Variants in AKT3 observed in about 807,000 individuals in gnomAD.
The protein encoded by AKT3 is AKT serine/threonine kinase 3, also known as RAC-gamma serine/threonine-protein kinase.
A neutral mutation model predicts 65.3 loss-of-function variants in AKT3; 15 were observed. That is an observed-to-expected ratio of 0.23 (90% confidence interval 0.15 to 0.35). The LOEUF is 0.35. AKT3 is among the 10% of genes least tolerant of loss of function. The probability of loss-of-function intolerance (pLI) is 1.00; values close to 1 mark genes in which losing one functional copy is unlikely to be tolerated. For synonymous variants in AKT3, 206 were observed against 183.8 expected (o/e 1.12, Z -0.98); for missense variants, 243 against 576.5 (o/e 0.42, Z 5.92).
chr1:243,609,597 G>A (rs1677711138), intron 8 of AKT3, among the ~76,000 whole-genome samples: 1 of 152,308 alleles, frequency 6.6e-6, no homozygotes, highest in Admixed American at 6.5e-5. Flanking sequence ...GGCAGAAGTT[G>A]CAGTGAGCCG....
At chr1:243,512,725 C>T (rs1670096522) in intron 12 of AKT3, among the ~76,000 whole-genome samples, 1 of 152,138 alleles carries the variant, frequency 6.6e-6, no homozygotes, top group African/African-American at 2.4e-5. Context: ...CAATAACAAA[C>T]ATACATGCAA....
chr1:243,763,340 C>T lies in AKT3; in HGVS notation c.47-67624G>A, dbSNP rs147796037. ...AGAGAATCCTGCTGTCTTTAAAATCCTATCATAACTATGTAATAATACAAA... is the reference window on the plus strand; with the variant it reads ...AGAGAATCCTGCTGTCTTTAAAATCTTATCATAACTATGTAATAATACAAA... On this transcript the variant is annotated intron_variant, in intron 2 of 13. Coordinates refer to ENST00000673466, the MANE Select transcript of AKT3 (RefSeq NM_005465.7). Among the ~76,000 whole-genome samples, 99 of 152,108 alleles carry T rather than the reference C, an allele frequency of 6.5e-4. 1 individual carries two copies. Among genetic ancestry groups the T allele is most frequent in the Non-Finnish European group, 1.1e-3 (72 of 67,924 alleles).
chr1:243,590,261 G>C (rs1277308316), intron 8 of AKT3, among the ~76,000 whole-genome samples: 1 of 152,110 alleles, frequency 6.6e-6, no homozygotes, highest in Non-Finnish European at 1.5e-5. Flanking sequence ...CACAGACAAA[G>C]GTAACTGATA....
chr1:243,603,893 TC>T (rs1677198045), intron 8 of AKT3, among the ~76,000 whole-genome samples: 1 of 140,410 alleles, frequency 7.1e-6, no homozygotes, highest in South Asian at 2.3e-4. Flanking sequence ...CAATTAATAA[TC>T]TTTTTTTTTT....
At chr1:243,549,732 C>T (rs1672914172) in intron 11 of AKT3, among the ~76,000 whole-genome samples, 1 of 152,010 alleles carries the variant, frequency 6.6e-6, no homozygotes, top group Non-Finnish European at 1.5e-5. Flanking sequence ...GCCCCATAAA[C>T]ACTTTTAACT....
intron 2 of AKT3, among the ~76,000 whole-genome samples, chr1:243,782,489 G>C (rs1041645038): frequency 2.6e-5 from 4 of 152,036 alleles, no homozygotes; most frequent in African/African-American, 9.7e-5. Flanking sequence ...GTACCTTCTT[G>C]CCCCCATTTA....
chr1:243,835,372 G>C (rs535640589), intron 2 of AKT3, among the ~76,000 whole-genome samples: 2 of 152,076 alleles, frequency 1.3e-5, no homozygotes, highest in East Asian at 3.9e-4. Context: ...ACTACCTATA[G>C]GGTACTATGT....
intron 2 of AKT3, among the ~76,000 whole-genome samples, chr1:243,830,379 G>C (rs949872694): frequency 6.6e-6 from 1 of 152,120 alleles, no homozygotes; most frequent in East Asian, 1.9e-4. Context: ...GATACTGGGG[G>C]ACAACTGTAC....
intron 2 of AKT3, among the ~76,000 whole-genome samples, chr1:243,755,744 C>T (rs1689096965): frequency 6.6e-6 from 1 of 152,226 alleles, no homozygotes. Flanking sequence ...GACTCATCCA[C>T]ATCATCCAAA....
chr1:243,690,769 G>A (rs927635913), intron 3 of AKT3, among the ~76,000 whole-genome samples: 3 of 151,994 alleles, frequency 2.0e-5, no homozygotes, highest in African/African-American at 4.8e-5. Context: ...TGTGATAGTC[G>A]AGACACTTGA....
At chr1:243,813,355 CA>C (rs1178822689) in intron 2 of AKT3, among the ~76,000 whole-genome samples, 2 of 151,752 alleles carry the variant, frequency 1.3e-5, no homozygotes, top group East Asian at 1.9e-4. Context: ...ATAAAACCCT[CA>C]AAAAAATTAG....
At chr1:243,733,308 A>C (rs1687664301) in intron 2 of AKT3, among the ~76,000 whole-genome samples, 1 of 152,232 alleles carries the variant, frequency 6.6e-6, no homozygotes, top group South Asian at 2.1e-4. Flanking sequence ...TAAAGTTTTG[A>C]CTCATAAGAG....
At chr1:243,726,902 G>C (rs1004160795) in intron 2 of AKT3, among the ~76,000 whole-genome samples, 2 of 152,206 alleles carry the variant, frequency 1.3e-5, no homozygotes, top group Admixed American at 1.3e-4. Context: ...AAAAGTCAAA[G>C]CAAAGCAGAT....
chr1:243,657,793 T>C (rs1361268637), intron 4 of AKT3, among the ~76,000 whole-genome samples: 2 of 152,072 alleles, frequency 1.3e-5, no homozygotes, highest in Admixed American at 6.6e-5. Flanking sequence ...TAAAGACATA[T>C]AGACTAATGG....
chr1:243,700,988 C>A (rs1260736665), intron 2 of AKT3, among the ~76,000 whole-genome samples: 2 of 150,690 alleles, frequency 1.3e-5, no homozygotes, highest in Admixed American at 1.3e-4. Context: ...CTGATAACAA[C>A]AAACTGTATT....
At chr1:243,784,097 C>G (rs886360749) in intron 2 of AKT3, among the ~76,000 whole-genome samples, 6 of 151,978 alleles carry the variant, frequency 3.9e-5, no homozygotes, top group African/African-American at 1.5e-4. Flanking sequence ...GCTATGAAAA[C>G]AAAATGGATG....
chr1:243,814,038 C>T (rs1181986070), intron 2 of AKT3, among the ~76,000 whole-genome samples: 1 of 152,150 alleles, frequency 6.6e-6, no homozygotes, highest in East Asian at 1.9e-4. Flanking sequence ...GAGTTAGAGG[C>T]TGCACCAAGC....
chr1:243,599,948 A>G (rs924670750), intron 8 of AKT3, among the ~76,000 whole-genome samples: 1 of 152,152 alleles, frequency 6.6e-6, no homozygotes, highest in Non-Finnish European at 1.5e-5. Context: ...AAAGACTACT[A>G]AAACTAATAT....
chr1:243,522,381 G>A (rs1670773461), intron 12 of AKT3, among the ~76,000 whole-genome samples: 1 of 152,196 alleles, frequency 6.6e-6, no homozygotes. Context: ...TGTAAGGCTG[G>A]GCACAGTGGC....
Sources: allele counts gnomAD v4.1 joint callset (sites outside exome capture counted in the v4.1 genomes callset), GRCh38; gene constraint gnomAD v4.1.1; transcripts MANE v1.5; gene names NCBI Gene and HGNC (gene_info 2026-07-23, HGNC 2026-07-21).